CACNA2D3: variants seen among roughly 807,000 people sequenced by gnomAD.
CACNA2D3 encodes the protein calcium voltage-gated channel auxiliary subunit alpha2delta 3.
Under a neutral mutation model 160.6 loss-of-function variants are expected in CACNA2D3, and 60 were observed. The observed-to-expected ratio is 0.37, with a 90% CI of 0.30 to 0.46. The LOEUF is 0.46. Ranked by LOEUF, CACNA2D3 falls within the 20% of genes least tolerant of loss-of-function variation. The probability of loss-of-function intolerance (pLI) is 1.00; values close to 1 mark genes in which losing one functional copy is unlikely to be tolerated. For synonymous variants in CACNA2D3, 558 were observed against 492.9 expected, an observed-to-expected ratio of 1.13 and a Z score of -1.75; for missense variants, 1,205 against 1,365.0, an observed-to-expected ratio of 0.88 and a Z score of 1.85.
At chr3:54,836,260 AGTCTCGCTCT>A in intron 14 of CACNA2D3, among the ~76,000 whole-genome samples, 1 of 126,590 alleles carries the variant, frequency 7.9e-6, no homozygotes, top group Non-Finnish European at 1.6e-5. Context: ...TTTGGGAGAG[AGTCTCGCTCT>A]GTCACCCAGC....
intron 2 of CACNA2D3, among the ~76,000 whole-genome samples, chr3:54,314,889 C>A (rs1441841024): frequency 6.6e-6 from 1 of 152,048 alleles, no homozygotes; most frequent in Non-Finnish European, 1.5e-5. Flanking sequence ...GTGCCATAGT[C>A]ATCGCTTCCA....
intron 25 of CACNA2D3, chr3:54,894,714 C>A: frequency 2.1e-6 from 1 of 475,276 alleles, no homozygotes; most frequent in East Asian, 6.3e-5. Context: ...ACAGAGGCTC[C>A]TCCTCACACC....
intron 33 of CACNA2D3, among the ~76,000 whole-genome samples, chr3:55,008,550 A>G (rs1376799448): frequency 1.3e-5 from 2 of 152,180 alleles, no homozygotes; most frequent in African/African-American, 2.4e-5. Flanking sequence ...GGCAAATTTC[A>G]TGCCATTTGA....
chr3:54,427,312 C>G (rs1004151669), intron 4 of CACNA2D3, among the ~76,000 whole-genome samples: 8 of 152,112 alleles, frequency 5.3e-5, no homozygotes, highest in Non-Finnish European at 7.3e-5. Context: ...ACATCTCGGA[C>G]ACATGTGCTT....
intron 2 of CACNA2D3, among the ~76,000 whole-genome samples, chr3:54,283,202 A>C (rs72986073): frequency 0.02 from 3,111 of 152,312 alleles, 93 homozygotes; most frequent in African/African-American, 0.071. Context: ...GGTGTCAGTG[A>C]AGCAGAAAAG....
intron 2 of CACNA2D3, among the ~76,000 whole-genome samples, chr3:54,265,571 A>G (rs1702487286): frequency 7.4e-6 from 1 of 134,376 alleles, no homozygotes; most frequent in African/African-American, 3.5e-5. Flanking sequence ...GTGTGTATAT[A>G]TATAGTGTGT....
At chr3:54,482,702 A>T (rs1208575781) in intron 4 of CACNA2D3, among the ~76,000 whole-genome samples, 2 of 152,170 alleles carry the variant, frequency 1.3e-5, no homozygotes, top group African/African-American at 4.8e-5. Context: ...TTTCTTGCTC[A>T]TGTAAATGCC....
chr3:54,406,043 G>T (rs867368209), intron 4 of CACNA2D3, among the ~76,000 whole-genome samples: 1 of 152,116 alleles, frequency 6.6e-6, no homozygotes. Flanking sequence ...AAGACAAAAA[G>T]ACAAGTGTTG....
At chr3:55,004,265 C>A (rs1703040756) in intron 31 of CACNA2D3, among the ~76,000 whole-genome samples, 1 of 152,140 alleles carries the variant, frequency 6.6e-6, no homozygotes, top group Non-Finnish European at 1.5e-5. Context: ...AGCTGGTTTC[C>A]TACACTTTGT....
chr3:54,670,143 T>G (rs1327962257), intron 11 of CACNA2D3, among the ~76,000 whole-genome samples: 1 of 152,212 alleles, frequency 6.6e-6, no homozygotes, highest in African/African-American at 2.4e-5. Context: ...GCTTCACAGT[T>G]CTGTGCAGCA....
At chr3:54,531,888 A>G (rs1005239716) in intron 5 of CACNA2D3, among the ~76,000 whole-genome samples, 1 of 152,226 alleles carries the variant, frequency 6.6e-6, no homozygotes, top group African/African-American at 2.4e-5. Flanking sequence ...TCTAAACATA[A>G]AATTCCCTCT....
intron 5 of CACNA2D3, among the ~76,000 whole-genome samples, chr3:54,519,811 G>A (rs750874537): frequency 1.1e-4 from 17 of 152,228 alleles, no homozygotes; most frequent in Non-Finnish European, 2.4e-4. Context: ...ATCTAAGTCA[G>A]ATGTCCTGTT....
intron 2 of CACNA2D3, among the ~76,000 whole-genome samples, chr3:54,310,685 T>G (rs77227475): frequency 0.015 from 2,266 of 152,314 alleles, 58 homozygotes; most frequent in African/African-American, 0.05. Flanking sequence ...TTCTTCTTAT[T>G]GTTGCGGCAA....
rs181588327 is a variant in CACNA2D3 at position 54,287,222 on chromosome 3, G to A, written c.205-33220G>A. ...GACACACATAGGCTCAAAATAAAGG[G>A]ACGGAGGAAGATATACCAAGCAAAT... is the stretch of plus-strand genomic sequence containing the variant. On this transcript the variant is annotated intron_variant, in intron 2 of 37. Coordinates refer to ENST00000474759, the MANE Select transcript of CACNA2D3 (RefSeq NM_018398.3). 1.3e-3 allele frequency among the ~76,000 whole-genome samples: 196 copies of A among 152,266 alleles called. 1 individual carries two copies. Among genetic ancestry groups the A allele is most frequent in the Non-Finnish European group, 2.6e-3 (174 of 68,040 alleles).
chr3:54,877,341 G>A (rs1699685730), intron 18 of CACNA2D3, among the ~76,000 whole-genome samples: 2 of 152,200 alleles, frequency 1.3e-5, no homozygotes, highest in Non-Finnish European at 1.5e-5. Context: ...TGGTAATGAG[G>A]ATGACGATGA....
chr3:54,280,505 G>A (rs1214865368), intron 2 of CACNA2D3, among the ~76,000 whole-genome samples: 1 of 151,926 alleles, frequency 6.6e-6, no homozygotes, highest in Non-Finnish European at 1.5e-5. Flanking sequence ...ATGTAGTGTA[G>A]GGGGGACAGA....
rs147347406 is a variant in CACNA2D3, at chr3:54,275,603, G to A, written c.205-44839G>A. Among the ~76,000 whole-genome samples, 604 of 152,220 alleles carry A rather than the reference G, an allele frequency of 4.0e-3. 3 individuals carry two copies. The highest frequency in any genetic ancestry group is 6.0e-3 in the Non-Finnish European group (410 of 68,014). ...TTTGAGATACTGACAGACACTAAAA[G>A]GTGATAGGAAAGTATCTGATTTCTT... On this transcript the variant is annotated intron_variant, in intron 2 of 37. Transcript: ENST00000474759.
chr3:54,381,041 A>G (rs548338773), intron 3 of CACNA2D3, among the ~76,000 whole-genome samples: 2 of 152,288 alleles, frequency 1.3e-5, no homozygotes, highest in South Asian at 4.1e-4. Flanking sequence ...TTCATTCCAG[A>G]AAAAAAGGCA....
At chr3:54,364,926 CTT>C (rs1412127897) in intron 3 of CACNA2D3, among the ~76,000 whole-genome samples, 2 of 152,184 alleles carry the variant, frequency 1.3e-5, no homozygotes, top group East Asian at 3.8e-4. Flanking sequence ...ACTCAGATTT[CTT>C]AGTATGTACC....
Sources: allele counts gnomAD v4.1 joint callset (sites outside exome capture counted in the v4.1 genomes callset), GRCh38; gene constraint gnomAD v4.1.1; transcripts MANE v1.5; gene names NCBI Gene and HGNC (gene_info 2026-07-23, HGNC 2026-07-21).